Variants in LINGO2 observed in about 807,000 individuals in gnomAD.
LINGO2 encodes leucine-rich repeat and immunoglobulin-like domain-containing nogo receptor-interacting protein 2.
LINGO2 carries 14 observed loss-of-function variants against 30.6 expected under a neutral mutation model. That is an observed-to-expected ratio of 0.46 (90% CI 0.30 to 0.72). The LOEUF is 0.72. Ranked by LOEUF, LINGO2 falls within the 30% of genes least tolerant of loss-of-function variation. The pLI is 0.07. For synonymous variants in LINGO2, 317 were observed against 288.5 expected (o/e 1.10, Z -1.00); for missense variants, 729 against 751.7 (o/e 0.97, Z 0.35).
At chr9:28,995,662 C>T in the LINGO2 span, among the ~76,000 whole-genome samples, 1 of 152,170 alleles carries the variant, frequency 6.6e-6, no homozygotes, top group African/African-American at 2.4e-5. Flanking sequence ...AAATGTGGCA[C>T]ATATACACTA....
intron 3 of LINGO2, among the ~76,000 whole-genome samples, chr9:28,309,789 C>T (rs865855342): frequency 2.0e-5 from 3 of 151,184 alleles, no homozygotes; most frequent in East Asian, 1.9e-4. Flanking sequence ...TGTAAAATAC[C>T]TAAAGAACTC....
chr9:28,467,151 G>A (rs1219316429), intron 2 of LINGO2, among the ~76,000 whole-genome samples: 1 of 151,708 alleles, frequency 6.6e-6, no homozygotes, highest in African/African-American at 2.4e-5. Flanking sequence ...TCAGCCTCCC[G>A]AGTAGCTGGG....
the LINGO2 span, among the ~76,000 whole-genome samples, chr9:28,764,714 C>T: frequency 6.6e-6 from 1 of 151,650 alleles, no homozygotes; most frequent in African/African-American, 2.4e-5. Flanking sequence ...TAAAACCATC[C>T]CTGTTTGTGA....
the LINGO2 span, among the ~76,000 whole-genome samples, chr9:29,038,673 GAAAA>G: frequency 5.6e-5 from 7 of 126,064 alleles, no homozygotes; most frequent in African/African-American, 1.8e-4. Flanking sequence ...TCACTACTCA[GAAAA>G]AAAAAAAAAA....
At chr9:28,809,845 C>G in the LINGO2 span, among the ~76,000 whole-genome samples, 2 of 151,496 alleles carry the variant, frequency 1.3e-5, no homozygotes, top group Non-Finnish European at 2.9e-5. Flanking sequence ...TAGCTCATCA[C>G]ACTCCGGCTA....
intron 5 of LINGO2, among the ~76,000 whole-genome samples, chr9:27,994,253 GAACA>G: frequency 6.6e-6 from 1 of 151,686 alleles, no homozygotes; most frequent in East Asian, 1.9e-4. Flanking sequence ...AGAAAAGTGA[GAACA>G]AACCAAACCC....
the LINGO2 span, among the ~76,000 whole-genome samples, chr9:28,871,752 T>A: frequency 1.3e-5 from 2 of 151,958 alleles, no homozygotes; most frequent in Non-Finnish European, 2.9e-5. Flanking sequence ...TGAGAGACGT[T>A]GGTTCAAATC....
At chr9:29,114,083 C>A in the LINGO2 span, among the ~76,000 whole-genome samples, 1 of 151,846 alleles carries the variant, frequency 6.6e-6, no homozygotes, top group Non-Finnish European at 1.5e-5. Context: ...AGGTATCCCC[C>A]TTAAAGTCCT....
chr9:28,371,277 G>C (rs1263115614), intron 3 of LINGO2, among the ~76,000 whole-genome samples: 1 of 152,178 alleles, frequency 6.6e-6, no homozygotes, highest in Non-Finnish European at 1.5e-5. Flanking sequence ...GAGAACACTA[G>C]TGTTTTAGTT....
intron 4 of LINGO2, among the ~76,000 whole-genome samples, chr9:28,079,504 T>G (rs1825716222): frequency 6.6e-6 from 1 of 152,248 alleles, no homozygotes; most frequent in East Asian, 1.9e-4. Context: ...TGAAAGCTTA[T>G]GCTCTCTGTC....
At chr9:28,139,714 T>C (rs1013418982) in intron 4 of LINGO2, among the ~76,000 whole-genome samples, 1 of 152,108 alleles carries the variant, frequency 6.6e-6, no homozygotes, top group Non-Finnish European at 1.5e-5. Flanking sequence ...GATGTTCATA[T>C]GGAATATTAA....
At chr9:29,196,381 G>T in the LINGO2 span, among the ~76,000 whole-genome samples, 4 of 151,910 alleles carry the variant, frequency 2.6e-5, no homozygotes, top group East Asian at 5.8e-4. Flanking sequence ...TTAAAGAAAT[G>T]GTATTATTAG....
intron 2 of LINGO2, among the ~76,000 whole-genome samples, chr9:28,472,897 T>C (rs997335664): frequency 6.6e-6 from 1 of 152,206 alleles, no homozygotes; most frequent in Non-Finnish European, 1.5e-5. Flanking sequence ...CAATTGTCTG[T>C]ACTTTAATAT....
intron 1 of LINGO2, among the ~76,000 whole-genome samples, chr9:28,486,514 A>G (rs750064881): frequency 3.1e-4 from 47 of 152,302 alleles, no homozygotes; most frequent in Middle Eastern, 6.8e-3. Context: ...TTTTCCAAAG[A>G]AAGTACACAT....
intron 1 of LINGO2, among the ~76,000 whole-genome samples, chr9:28,631,300 A>G (rs1162942691): frequency 2.1e-5 from 3 of 145,704 alleles, no homozygotes; most frequent in African/African-American, 7.6e-5. Flanking sequence ...CCAATGCCAT[A>G]CCTCCCCCCA....
the LINGO2 span, among the ~76,000 whole-genome samples, chr9:28,696,397 A>T: frequency 2.0e-5 from 3 of 151,912 alleles, no homozygotes; most frequent in Non-Finnish European, 4.4e-5. Flanking sequence ...CAAAACGATA[A>T]GCAAATTTAC....
chr9:29,134,461 T>TA, the LINGO2 span, among the ~76,000 whole-genome samples: 1 of 152,058 alleles, frequency 6.6e-6, no homozygotes, highest in Non-Finnish European at 1.5e-5. Flanking sequence ...TGATTTTTTT[T>TA]ATATTTTGTT....
chr9:28,377,993 G>T (rs1821195646), intron 2 of LINGO2, among the ~76,000 whole-genome samples: 1 of 152,098 alleles, frequency 6.6e-6, no homozygotes, highest in African/African-American at 2.4e-5. Context: ...TATTCCTCAA[G>T]AAATTCTACA....
the LINGO2 span, among the ~76,000 whole-genome samples, chr9:28,897,108 A>T: frequency 6.6e-6 from 1 of 152,176 alleles, no homozygotes; most frequent in Non-Finnish European, 1.5e-5. Flanking sequence ...TCTATCACAA[A>T]GATTAATGTG....
Sources: allele counts gnomAD v4.1 joint callset (sites outside exome capture counted in the v4.1 genomes callset), GRCh38; gene constraint gnomAD v4.1.1; transcripts MANE v1.5; gene names NCBI Gene and HGNC (gene_info 2026-07-23, HGNC 2026-07-21).